The following EPHA4 variants were observed in gnomAD, a reference collection of about 807,000 sequenced individuals.
The protein encoded by EPHA4 is EPH receptor A4, also known as ephrin type-A receptor 4.
EPHA4 carries 19 observed loss-of-function variants against 108.3 expected under a neutral mutation model. That is an observed-to-expected ratio of 0.18 (90% CI 0.12 to 0.26). The LOEUF (loss-of-function observed/expected upper bound fraction) is 0.26, where lower values mean the gene tolerates loss of function less well. Among genes scored for constraint, EPHA4 ranks in the 10% least tolerant of loss-of-function variants. EPHA4 has a pLI of 1.00. For missense variants in EPHA4, 917 were observed against 1,254.0 expected (o/e 0.73, Z 4.06); for synonymous variants, 449 against 455.5 (o/e 0.99, Z 0.18).
At chr2:221,421,983 T>C (rs1322576303) in intron 17 of EPHA4, 1 of 151,794 alleles carries the variant, frequency 6.6e-6, no homozygotes, top group Non-Finnish European at 1.5e-5. Context: ...CTCATACCTG[T>C]AATTCCAGCA....
chr2:221,551,542 CA>C (rs1486678876), intron 3 of EPHA4, among the ~76,000 whole-genome samples: 1 of 152,074 alleles, frequency 6.6e-6, no homozygotes, highest in Non-Finnish European at 1.5e-5. Context: ...AGTTTTAGTA[CA>C]ATTGCTGAAA....
intron 3 of EPHA4, among the ~76,000 whole-genome samples, chr2:221,503,214 C>A (rs1559269718): frequency 6.6e-6 from 1 of 152,194 alleles, no homozygotes; most frequent in Non-Finnish European, 1.5e-5. Flanking sequence ...TCATTTTTTT[C>A]ACATCTGAAT....
chr2:221,499,488 C>T (rs1574613966), intron 4 of EPHA4, among the ~76,000 whole-genome samples: 1 of 148,776 alleles, frequency 6.7e-6, no homozygotes, highest in African/African-American at 2.4e-5. Flanking sequence ...TATTATCTCT[C>T]ATTATGAAAG....
chr2:221,479,875 C>T (rs372325661), intron 5 of EPHA4, among the ~76,000 whole-genome samples: 28 of 152,112 alleles, frequency 1.8e-4, no homozygotes, highest in African/African-American at 5.8e-4. Flanking sequence ...CCCAGCATTA[C>T]CCTTCATGAA....
At chr2:221,449,644 G>T (rs6712216) in intron 8 of EPHA4, among the ~76,000 whole-genome samples, 1 of 152,174 alleles carries the variant, frequency 6.6e-6, no homozygotes, top group Non-Finnish European at 1.5e-5. Context: ...GCAGAACAGC[G>T]TGAGCCCTCT....
intron 3 of EPHA4, among the ~76,000 whole-genome samples, chr2:221,509,270 G>A (rs749390210): frequency 6.6e-6 from 1 of 152,266 alleles, no homozygotes; most frequent in Non-Finnish European, 1.5e-5. Flanking sequence ...GGAGGTTGCA[G>A]TGAGCCGAGA....
Position 221,455,600 on chromosome 2 carries a change from C to A in EPHA4, c.1662G>T (p.Ser554=), listed in dbSNP as rs749546730. Residue 554 remains serine, a synonymous_variant, in exon 8 of 18, where the codon TCG becomes TCT. Transcript: ENST00000281821. ...ANSTVLLVSV[S]GSVVLVVILI... is the part of the protein sequence containing the mutation. ...GAATTACCACCAGCACCACACTGCC[C>A]GAGACAGAGACCAGAAGGACTGTGG... The A allele has an allele frequency of 1.9e-6, 3 of 1,613,778 alleles. No individual in the cohort carries two copies. The highest frequency in any genetic ancestry group is 2.5e-6 in the Non-Finnish European group (3 of 1,179,910).
At chr2:221,464,443 C>T (rs78240693) in intron 5 of EPHA4, among the ~76,000 whole-genome samples, 179 of 152,220 alleles carry the variant, frequency 1.2e-3, no homozygotes, top group African/African-American at 4.0e-3. Context: ...AAGGGTTTCG[C>T]GTCTCTGAGA....
rs751593245 is a variant in EPHA4 at position 221,564,161 on chromosome 2, G to A, written c.393C>T (p.Asn131=). 3.7e-6 allele frequency: 6 copies of A among 1,614,070 alleles called. No homozygotes were observed. The highest frequency in any genetic ancestry group is 2.2e-5 in the East Asian group (1 of 44,878). Reference sequence around the variant, plus strand: ...TCTCTCTGATGAAACGCTCTTTGTCGTTGTCTGATTCATAGTAGTACAGGT... The same window carrying A: ...TCTCTCTGATGAAACGCTCTTTGTCATTGTCTGATTCATAGTAGTACAGGT... ...TFNLYYYESD[N]DKERFIRENQ... The change falls in exon 3 of 18, where the codon AAC becomes AAT. Residue 131 remains asparagine (N), a synonymous_variant. Transcript: ENST00000281821.
rs1694781328 is a variant in EPHA4 at position 221,570,104 on chromosome 2, G to A, written c.92-1319C>T. Among the ~76,000 whole-genome samples the A allele has an allele frequency of 2.0e-5, 3 of 151,974 alleles. 1 individual carries two copies. Among genetic ancestry groups the A allele is most frequent in the South Asian group, 4.2e-4 (2 of 4,804 alleles). ...TGTAAGGTGGATTAGGGACACAAAG[G>A]AAACAATAAGACCCAATTTACAAAA... On this transcript the variant is annotated intron_variant, in intron 1 of 17. Transcript: ENST00000281821.
chr2:221,555,621 TCTC>T (rs754262902), intron 3 of EPHA4, among the ~76,000 whole-genome samples: 1 of 152,168 alleles, frequency 6.6e-6, no homozygotes, highest in African/African-American at 2.4e-5. Context: ...CCTCACCTGT[TCTC>T]CTCCCCAAAA....
chr2:221,469,868 G>A (rs1034146360), intron 5 of EPHA4, among the ~76,000 whole-genome samples: 4 of 152,154 alleles, frequency 2.6e-5, no homozygotes, highest in Non-Finnish European at 4.4e-5. Context: ...CAGATATACT[G>A]TTGGAATGGG....
intron 5 of EPHA4, among the ~76,000 whole-genome samples, chr2:221,477,035 T>C (rs968626234): frequency 7.0e-6 from 1 of 142,872 alleles, no homozygotes; most frequent in Non-Finnish European, 1.5e-5. Flanking sequence ...TGAGGTGTAA[T>C]GCCACTTTAT....
chr2:221,490,407 C>T (rs150014201), intron 4 of EPHA4, among the ~76,000 whole-genome samples: 4 of 152,084 alleles, frequency 2.6e-5, no homozygotes, highest in Non-Finnish European at 5.9e-5. Flanking sequence ...GATTTTTAAT[C>T]GCCATTTTAA....
At chr2:221,434,033 T>C in intron 14 of EPHA4, 109 bp downstream of exon 14, 1 of 1,115,642 alleles carries the variant, frequency 9.0e-7, no homozygotes, top group Admixed American at 2.5e-5. Context: ...TATTAAGAAA[T>C]TTGAGTTTAA....
intron 3 of EPHA4, among the ~76,000 whole-genome samples, chr2:221,506,590 G>A (rs907159941): frequency 1.3e-5 from 2 of 152,224 alleles, no homozygotes; most frequent in African/African-American, 2.4e-5. Context: ...AATTGGAACT[G>A]TTATTGGACC....
At chr2:221,510,549 T>C (rs1692797353) in intron 3 of EPHA4, among the ~76,000 whole-genome samples, 5 of 152,040 alleles carry the variant, frequency 3.3e-5, no homozygotes, top group Admixed American at 3.3e-4. Flanking sequence ...ATGCTGAAAA[T>C]GGATTTGCTC....
intron 16 of EPHA4, 160 bp from the exon 17 acceptor site, chr2:221,426,302 T>G: frequency 9.8e-7 from 1 of 1,022,632 alleles, no homozygotes; most frequent in Non-Finnish European, 1.4e-6. Flanking sequence ...AATGCAAGAA[T>G]GTAGATACTT....
chr2:221,430,110 T>G lies in EPHA4; in HGVS notation c.2538A>C (p.Pro846=), dbSNP rs1021977355. ...AIEEGYRLPP[P]MDCPIALHQL... is the part of the protein sequence containing the mutation. ...GGTGGAGCGCAATGGGGCAGTCCATTGGAGGGGGTAACCGATAGCCTTCCT... is the reference window on the plus strand; with the variant it reads ...GGTGGAGCGCAATGGGGCAGTCCATGGGAGGGGGTAACCGATAGCCTTCCT... Residue 846 remains proline (P), a synonymous_variant, in exon 15 of 18, where the codon CCA becomes CCC. Coordinates refer to ENST00000281821, the MANE Select transcript of EPHA4 (RefSeq NM_004438.5). The G allele has an allele frequency of 1.2e-6, 2 of 1,612,400 alleles. No individual in the cohort carries two copies. Among genetic ancestry groups the G allele is most frequent in the Non-Finnish European group, 1.7e-6 (2 of 1,179,614 alleles).
Sources: gnomAD v4.1 joint callset for allele counts (sites outside exome capture counted in the v4.1 genomes callset) on GRCh38, gnomAD v4.1.1 for gene constraint, MANE v1.5 for transcripts, NCBI Gene and HGNC (gene_info 2026-07-23, HGNC 2026-07-21) for gene names.